The following PTAR1 variants were observed in gnomAD, a reference collection of about 807,000 sequenced individuals.
PTAR1 encodes the protein protein prenyltransferase alpha subunit repeat containing 1, also known as protein prenyltransferase alpha subunit repeat-containing protein 1.
Under a neutral mutation model 45.5 loss-of-function variants are expected in PTAR1, and 17 were observed. The observed-to-expected ratio is 0.37, with a 90% confidence interval of 0.26 to 0.56. The LOEUF is 0.56. Ranked by LOEUF, PTAR1 falls within the 20% of genes least tolerant of loss-of-function variation. The pLI is 0.77. For synonymous variants in PTAR1, 169 were observed against 171.3 expected, an observed-to-expected ratio of 0.99 and a Z score of 0.11; for missense variants, 391 against 476.3, an observed-to-expected ratio of 0.82 and a Z score of 1.67.
At position 69,734,130 on chromosome 9, in the gene PTAR1, A is replaced by G; in HGVS notation, c.428+20T>C. On this transcript the variant is annotated intron_variant, in intron 4 of 7. Coordinates refer to ENST00000340434, the MANE Select transcript of PTAR1 (RefSeq NM_001099666.2). ...AGTCTGAATCCTAAGTAAGAGTACT[A>G]TGTTGTAAATTAACCACACCTGTGA... is the stretch of plus-strand genomic sequence containing the variant. 7.8e-7 allele frequency: 1 copy of G among 1,277,292 alleles called. No homozygotes were observed. Among genetic ancestry groups the G allele is most frequent in the Non-Finnish European group, 1.1e-6 (1 of 873,898 alleles). 79.1% of individuals were successfully genotyped at this position (1,277,292 alleles called of 1,614,324 possible). A position where few individuals can be genotyped will look rare whatever the true frequency, so the allele number is the denominator to read the frequency against.
intron 2 of PTAR1, among the ~76,000 whole-genome samples, chr9:69,750,190 C>T (rs1015820734): frequency 6.6e-6 from 1 of 151,132 alleles, no homozygotes; most frequent in Admixed American, 6.6e-5. Flanking sequence ...AAAAAAAAAA[C>T]TGTCTGAGAG....
rs1824586652 is a variant in PTAR1 at position 69,713,047 on chromosome 9, T to G, written c.*5295A>C. The G allele has an allele frequency of 6.6e-6, 1 of 152,152 alleles. No homozygotes were observed. Among genetic ancestry groups the G allele is most frequent in the Non-Finnish European group, 1.5e-5 (1 of 68,012 alleles). 9.4% of individuals were successfully genotyped at this position (152,152 alleles called of 1,614,324 possible). ...AATTTGTCCTGAATTTACTAAATCT[T>G]CTACACCCTGAGGAATAACAACAGA... is the stretch of plus-strand genomic sequence containing the variant. On this transcript the variant is annotated 3_prime_UTR_variant, in exon 8 of 8. Transcript: ENST00000340434.
chr9:69,755,977 T>C (rs1478491084), intron 1 of PTAR1, among the ~76,000 whole-genome samples: 1 of 152,210 alleles, frequency 6.6e-6, no homozygotes, highest in Non-Finnish European at 1.5e-5. Flanking sequence ...AAGAGTCTTG[T>C]CTAAGTCTAC....
chr9:69,743,015 C>T (rs1311188205), intron 2 of PTAR1, among the ~76,000 whole-genome samples: 1 of 151,986 alleles, frequency 6.6e-6, no homozygotes, highest in African/African-American at 2.4e-5. Flanking sequence ...TATCTAGGGG[C>T]ACAGTACTAA....
rs1824567690 is a variant in PTAR1 at position 69,712,590 on chromosome 9, GAC to G, written c.*5750_*5751del. 1 of 152,024 alleles carries G rather than the reference GAC, an allele frequency of 6.6e-6. No individual in the cohort carries two copies. The highest frequency in any genetic ancestry group is 1.5e-5 in the Non-Finnish European group (1 of 67,978). 9.4% of individuals were successfully genotyped at this position (152,024 alleles called of 1,614,324 possible). On this transcript the variant is annotated 3_prime_UTR_variant, in exon 8 of 8. Transcript: ENST00000340434. Reference sequence around the variant, plus strand: ...ATCTTTCTAGCTTTTATCAACTCTTGACTTGTTGAATTCCTACAATGTGCAAG... The same window carrying G: ...ATCTTTCTAGCTTTTATCAACTCTTGTTGTTGAATTCCTACAATGTGCAAG...
intron 6 of PTAR1, among the ~76,000 whole-genome samples, chr9:69,720,533 C>T (rs1291260590): frequency 6.6e-6 from 1 of 152,136 alleles, no homozygotes; most frequent in Non-Finnish European, 1.5e-5. Flanking sequence ...AGCAAGGTAT[C>T]CAGAAGACCT....
In PTAR1 at chr9:69,750,008, G is replaced by C. The variant is rs148578091; in HGVS notation, c.256+773C>G. 4.3e-3 allele frequency among the ~76,000 whole-genome samples: 649 copies of C among 152,152 alleles called. 6 individuals are homozygous for C. Among genetic ancestry groups the C allele is most frequent in the African/African-American group, 0.015 (607 of 41,524 alleles). The stretch of plus-strand genomic sequence containing the variant: ...GTACTGCCGTACATGGGAAGGGGAA[G>C]AAGCTTTACAAAAACAGTAAAGGAC... On this transcript the variant is annotated intron_variant, in intron 2 of 7. Coordinates refer to ENST00000340434, the MANE Select transcript of PTAR1 (RefSeq NM_001099666.2).
At chr9:69,741,988 A>G (rs1826063974) in intron 2 of PTAR1, 130 bp from the exon 3 acceptor site, 2 of 619,460 alleles carry the variant, frequency 3.2e-6, no homozygotes, top group East Asian at 5.6e-5. Context: ...ACTAACTTTA[A>G]TGATAAATTC....
At position 69,716,870 on chromosome 9, in the gene PTAR1, C is replaced by T. The variant is rs187993084; in HGVS notation, c.*1472G>A. 5 of 151,962 alleles carry T rather than the reference C, an allele frequency of 3.3e-5. No homozygotes were observed. The East Asian group carries it at 9.7e-4, about 29-fold the overall frequency. The allele number at this position is 151,962 out of a possible 1,614,324, so 9.4% of individuals were successfully genotyped here. A position where few individuals can be genotyped will look rare whatever the true frequency, so the allele number is the denominator to read the frequency against. ...GGGGTAGAAATCTTGAAGACACACC[C>T]CTGAAGTAAGAAAGGAAAGGTATAC... On this transcript the variant is annotated 3_prime_UTR_variant, in exon 8 of 8. Transcript: ENST00000340434.
chr9:69,732,463 T>C (rs922251603), intron 4 of PTAR1, 111 bp from the exon 5 acceptor site: 1 of 742,192 alleles, frequency 1.3e-6, no homozygotes, highest in African/African-American at 1.8e-5. Context: ...CAATGCAAAA[T>C]AATACCTGTT....
chr9:69,728,259 T>C (rs1334495551), intron 5 of PTAR1, among the ~76,000 whole-genome samples: 1 of 152,202 alleles, frequency 6.6e-6, no homozygotes, highest in Admixed American at 6.5e-5. Flanking sequence ...AGATTTGGTA[T>C]GGAATGTGTT....
intron 5 of PTAR1, among the ~76,000 whole-genome samples, chr9:69,724,461 G>A (rs1329691451): frequency 1.3e-5 from 2 of 152,236 alleles, no homozygotes; most frequent in Non-Finnish European, 2.9e-5. Flanking sequence ...CGTTCCGTCA[G>A]AGGATTTTCA....
Position 69,715,755 on chromosome 9 carries a change from C to T in PTAR1, c.*2587G>A, listed in dbSNP as rs960283288. 2.6e-5 allele frequency: 4 copies of T among 152,008 alleles called. No individual in the cohort carries two copies. The highest frequency in any genetic ancestry group is 7.2e-5 in the African/African-American group (3 of 41,400). The allele number at this position is 152,008 out of a possible 1,614,324, so 9.4% of individuals were successfully genotyped here. On this transcript the variant is annotated 3_prime_UTR_variant, in exon 8 of 8. Transcript: ENST00000340434. The stretch of plus-strand genomic sequence containing the variant: ...TACAGCTAGCGGGTTTAAATATTAA[C>T]CACTTAGGAAAAAAACCAACCATAT...
At chr9:69,723,210 A>G (rs971230527) in intron 6 of PTAR1, 116 bp downstream of exon 6, 3 of 821,636 alleles carry the variant, frequency 3.7e-6, no homozygotes, top group Non-Finnish European at 6.0e-6. Context: ...GCAAAGCTCC[A>G]CAATCAGATG....
In PTAR1 at chr9:69,714,604, T is replaced by C. The variant is rs1329075923; in HGVS notation, c.*3738A>G. 6.6e-6 allele frequency: 1 copy of C among 152,160 alleles called. No individual in the cohort carries two copies. Among genetic ancestry groups the C allele is most frequent in the Non-Finnish European group, 1.5e-5 (1 of 68,010 alleles). 9.4% of individuals were successfully genotyped at this position (152,160 alleles called of 1,614,324 possible). Reference sequence around the variant, plus strand: ...GGCATACGATCTACTATGTATTTGCTTTCCTGCAAACTACTGCATAAAAAT... The same window carrying C: ...GGCATACGATCTACTATGTATTTGCCTTCCTGCAAACTACTGCATAAAAAT... On this transcript the variant is annotated 3_prime_UTR_variant, in exon 8 of 8. Coordinates refer to ENST00000340434, the MANE Select transcript of PTAR1 (RefSeq NM_001099666.2).
In PTAR1 at chr9:69,714,885, C is replaced by T. The variant is rs1286333407; in HGVS notation, c.*3457G>A. The T allele has an allele frequency of 6.6e-6, 1 of 151,920 alleles. No homozygotes were observed. Among genetic ancestry groups the T allele is most frequent in the East Asian group, 1.9e-4 (1 of 5,182 alleles). 9.4% of individuals were successfully genotyped at this position (151,920 alleles called of 1,614,324 possible). The stretch of plus-strand genomic sequence containing the variant: ...CCCTAAGCTTAAAAAATGACTCATA[C>T]AGATTTAAGAAATATCTGAAAGAGT... On this transcript the variant is annotated 3_prime_UTR_variant, in exon 8 of 8. Coordinates refer to ENST00000340434, the MANE Select transcript of PTAR1 (RefSeq NM_001099666.2).
chr9:69,754,532 C>CTTTTTT lies in PTAR1; in HGVS notation c.87-3588_87-3583dup, dbSNP rs60025062. Among the ~76,000 whole-genome samples the CTTTTTT allele has an allele frequency of 3.6e-3, 275 of 76,264 alleles. 22 individuals carry two copies. The highest frequency in any genetic ancestry group is 0.014 in the African/African-American group (239 of 17,394). The allele number at this position is 76,264 out of a possible 152,430, so 50.0% of individuals were successfully genotyped here. ...GCTATTAACATGTTTGGGTATATAT[C>CTTTTTT]TTTTTTTTTTTTTTTTTTTTTTTCC... On this transcript the variant is annotated intron_variant, in intron 1 of 7. Transcript: ENST00000340434.
At chr9:69,733,462 A>G (rs1202068251) in intron 4 of PTAR1, among the ~76,000 whole-genome samples, 1 of 152,160 alleles carries the variant, frequency 6.6e-6, no homozygotes, top group East Asian at 1.9e-4. Context: ...GGTCCTGACT[A>G]GCAAGCCCAC....
chr9:69,727,056 TACAC>T (rs887657676), intron 5 of PTAR1, among the ~76,000 whole-genome samples: 1 of 142,546 alleles, frequency 7.0e-6, no homozygotes, highest in African/African-American at 2.6e-5. Context: ...CACACACGTA[TACAC>T]ACACATATAT....
Sources: allele counts gnomAD v4.1 joint callset (sites outside exome capture counted in the v4.1 genomes callset), GRCh38; gene constraint gnomAD v4.1.1; transcripts MANE v1.5; gene names NCBI Gene and HGNC (gene_info 2026-07-23, HGNC 2026-07-21).